The following FAM76A variants were observed in gnomAD, a reference collection of about 807,000 sequenced individuals.
The protein encoded by FAM76A is protein FAM76A.
A neutral mutation model predicts 46.2 loss-of-function variants in FAM76A; 32 were observed. The observed-to-expected ratio is 0.69, with a 90% CI of 0.52 to 0.93. The LOEUF (loss-of-function observed/expected upper bound fraction) is 0.93, where lower values mean the gene tolerates loss of function less well. Ranked by LOEUF, FAM76A falls within the 40% of genes least tolerant of loss-of-function variation. The pLI, the probability that FAM76A is intolerant of heterozygous loss-of-function variation, is 0.00. For missense variants in FAM76A, 274 were observed against 361.5 expected (o/e 0.76, Z 1.96); for synonymous variants, 137 against 127.0 (o/e 1.08, Z -0.53).
chr1:27,749,169 G>A lies in FAM76A; in HGVS notation c.599+15G>A, dbSNP rs749002737. 5 of 1,563,140 alleles carry A rather than the reference G, an allele frequency of 3.2e-6. No individual in the cohort carries two copies. The highest frequency in any genetic ancestry group is 4.4e-6 in the Non-Finnish European group (5 of 1,148,158). ...AATGGAGACAGGTGAGCCAGTTGGAGTATGTGTGCGCACACATTTGAAATG... is the reference window on the plus strand; with the variant it reads ...AATGGAGACAGGTGAGCCAGTTGGAATATGTGTGCGCACACATTTGAAATG... On this transcript the variant is annotated intron_variant, in intron 6 of 8. Transcript: ENST00000373954.
At chr1:27,739,460 G>A (rs763644277) in intron 4 of FAM76A, 3 of 456,388 alleles carry the variant, frequency 6.6e-6, no homozygotes, top group Non-Finnish European at 1.3e-5. Flanking sequence ...TGGCAATTAT[G>A]TCTCGATTTT....
At chr1:27,734,312 C>T in intron 4 of FAM76A, 129 bp downstream of exon 4, 2 of 875,590 alleles carry the variant, frequency 2.3e-6, no homozygotes, top group Non-Finnish European at 1.6e-6. Flanking sequence ...CTTTGGGAGG[C>T]CGAGGCTAGT....
intron 8 of FAM76A, chr1:27,759,868 G>A: frequency 1.8e-6 from 1 of 557,322 alleles, no homozygotes. Flanking sequence ...CCCAGGCTCA[G>A]GTGATCCTCC....
chr1:27,744,739 G>A lies in FAM76A; in HGVS notation c.440G>A (p.Ser147Asn), dbSNP rs1293903829. Residue 147 changes from serine (S) to asparagine (N), a missense_variant, in exon 5 of 9, where the codon AGT becomes AAT. By Grantham distance (46) the Ser-to-Asn change is conservative. Transcript: ENST00000373954. The part of the protein sequence containing the change: ...QKTKEQRKHL[S>N]SSSRAGHQEK... The stretch of plus-strand genomic sequence containing the variant: ...ACCAAAGAGCAGAGGAAACACCTGA[G>A]TAGCTCTTCTCGTGCTGGCCACCAG... 6.2e-7 allele frequency: 1 copy of A among 1,614,140 alleles called. No homozygotes were observed. Among genetic ancestry groups the A allele is most frequent in the Admixed American group, 1.7e-5 (1 of 60,004 alleles).
intron 6 of FAM76A, among the ~76,000 whole-genome samples, chr1:27,754,447 G>A (rs2088379415): frequency 6.6e-6 from 1 of 152,184 alleles, no homozygotes; most frequent in South Asian, 2.1e-4. Context: ...AAAGGACATG[G>A]AGTCCATCTG....
chr1:27,726,285 G>C (rs2087857428), intron 1 of FAM76A, 124 bp downstream of exon 1: 1 of 867,106 alleles, frequency 1.2e-6, no homozygotes. Context: ...CCAGGCTGAG[G>C]AGCCGCACCC....
Position 27,734,118 on chromosome 1 carries a change from C to T in FAM76A, c.289C>T (p.Pro97Ser). 2.5e-6 allele frequency: 4 copies of T among 1,612,812 alleles called. No homozygotes were observed. Among genetic ancestry groups the T allele is most frequent in the Non-Finnish European group, 3.4e-6 (4 of 1,179,718 alleles). Residue 97 changes from proline to serine, a missense_variant, in exon 4 of 9, where the codon CCA becomes TCA. Transcript: ENST00000373954. Reference sequence around the variant, plus strand: ...CACAAATTCAGAAAAGAAGTATGGACCACCCTATTCTTGTGAACAGTGCAA... The same window carrying T: ...CACAAATTCAGAAAAGAAGTATGGATCACCCTATTCTTGTGAACAGTGCAA... ...RCTNSEKKYG[P>S]PYSCEQCKQQ...
At chr1:27,747,752 C>A (rs771089563) in intron 5 of FAM76A, among the ~76,000 whole-genome samples, 3 of 151,796 alleles carry the variant, frequency 2.0e-5, no homozygotes, top group Non-Finnish European at 4.4e-5. Flanking sequence ...CCCGTCTCTA[C>A]CAAAAAATAC....
intron 7 of FAM76A, among the ~76,000 whole-genome samples, chr1:27,759,105 G>A (rs1198707612): frequency 6.6e-6 from 1 of 152,072 alleles, no homozygotes; most frequent in Non-Finnish European, 1.5e-5. Context: ...GGGGTCTGGG[G>A]TTTGAAATCT....
chr1:27,758,257 G>A (rs963904555), intron 7 of FAM76A, among the ~76,000 whole-genome samples: 1 of 152,196 alleles, frequency 6.6e-6, no homozygotes, highest in African/African-American at 2.4e-5. Flanking sequence ...CGGAACAAGG[G>A]ACTGGAAGTC....
rs2088468344 is a variant in FAM76A at position 27,759,564 on chromosome 1, G to A, written c.774G>A (p.Ser258=). 5.0e-6 allele frequency: 8 copies of A among 1,613,374 alleles called. No homozygotes were observed. The highest frequency in any genetic ancestry group is 5.1e-6 in the Non-Finnish European group (6 of 1,179,828). The change falls in exon 8 of 9, where the codon TCG becomes TCA. Residue 258 remains serine (S), a synonymous_variant. Transcript: ENST00000373954. ...ELKADFQYQE[S]QMRAKMNQME... ...AGGCTGATTTTCAGTACCAGGAATC[G>A]CAGATGAGAGCCAAAATGAACCAGA... is the stretch of plus-strand genomic sequence containing the variant.
chr1:27,755,909 A>G (rs954419845), intron 7 of FAM76A, among the ~76,000 whole-genome samples: 4 of 152,184 alleles, frequency 2.6e-5, no homozygotes, highest in African/African-American at 9.7e-5. Context: ...GCTTACAGAG[A>G]CAATGTATAA....
intron 5 of FAM76A, among the ~76,000 whole-genome samples, chr1:27,748,348 T>C (rs1172673956): frequency 6.6e-6 from 1 of 151,640 alleles, no homozygotes; most frequent in South Asian, 2.1e-4. Flanking sequence ...ATGGTGTCGA[T>C]CTCCTGACCT....
In FAM76A at chr1:27,752,773, A is replaced by T. The variant is rs187293432; in HGVS notation, c.600-2422A>T. Among the ~76,000 whole-genome samples, 640 of 152,330 alleles carry T rather than the reference A, an allele frequency of 4.2e-3. 1 individual carries two copies. Among genetic ancestry groups the T allele is most frequent in the Non-Finnish European group, 5.6e-3 (380 of 68,036 alleles). On this transcript the variant is annotated intron_variant, in intron 6 of 8. Transcript: ENST00000373954. ...TCTGGAGAAGTAGTAGTTCCCTGTCATTGGAGCCATTAGGAAAGAGACTGG... is the reference window on the plus strand; with the variant it reads ...TCTGGAGAAGTAGTAGTTCCCTGTCTTTGGAGCCATTAGGAAAGAGACTGG...
intron 6 of FAM76A, 67 bp from the exon 7 acceptor site, chr1:27,755,128 G>A (rs2088388389): frequency 5.1e-6 from 8 of 1,571,166 alleles, no homozygotes; most frequent in Middle Eastern, 1.7e-4. Flanking sequence ...GGTCTAGGAT[G>A]CATCCTCAGG....
At chr1:27,752,926 A>G (rs1031034506) in intron 6 of FAM76A, among the ~76,000 whole-genome samples, 2 of 152,130 alleles carry the variant, frequency 1.3e-5, no homozygotes, top group Non-Finnish European at 2.9e-5. Flanking sequence ...TTGGGAGGCC[A>G]AGGTGGGTGG....
At chr1:27,754,099 C>CTTTTTTTT (rs869275641) in intron 6 of FAM76A, among the ~76,000 whole-genome samples, 14 of 87,526 alleles carry the variant, frequency 1.6e-4, no homozygotes, top group East Asian at 3.0e-4. Flanking sequence ...ACTATCCCTT[C>CTTTTTTTT]TTTTTTTTTT....
rs555330036 is a variant in FAM76A at position 27,738,137 on chromosome 1, A to T, written c.354+3954A>T. ...CTACCCTAGAGGCTGAGGTGGGAGG[A>T]TCACTTGAGCCCAGGAGTTCGAGTC... On this transcript the variant is annotated intron_variant, in intron 4 of 8. Coordinates refer to ENST00000373954, the MANE Select transcript of FAM76A (RefSeq NM_152660.3). Among the ~76,000 whole-genome samples the T allele has an allele frequency of 3.9e-5, 6 of 152,148 alleles. No homozygotes were observed. The South Asian group carries it at 1.2e-3, about 32-fold the overall frequency.
chr1:27,758,078 G>A (rs1304100983), intron 7 of FAM76A, among the ~76,000 whole-genome samples: 3 of 152,100 alleles, frequency 2.0e-5, no homozygotes, highest in African/African-American at 4.8e-5. Flanking sequence ...ATCTCCCCTG[G>A]CTCTTTATGT....
Sources: gnomAD v4.1 joint callset for allele counts (sites outside exome capture counted in the v4.1 genomes callset) on GRCh38, gnomAD v4.1.1 for gene constraint, MANE v1.5 for transcripts, NCBI Gene and HGNC (gene_info 2026-07-23, HGNC 2026-07-21) for gene names.